The following TIGAR variants were observed in gnomAD, a reference collection of about 807,000 sequenced individuals.
TIGAR encodes the protein fructose-2,6-bisphosphatase TIGAR.
Under a neutral mutation model 17.9 loss-of-function variants are expected in TIGAR, and 7 were observed. The ratio of observed to expected loss-of-function variants is 0.39; its 90% CI spans 0.22 to 0.73. TIGAR has a LOEUF of 0.73. Among genes scored for constraint, TIGAR ranks in the 30% least tolerant of loss-of-function variants. TIGAR has a pLI of 0.42. For synonymous variants in TIGAR, 94 were observed against 108.6 expected (o/e 0.87, Z 0.84); for missense variants, 258 against 327.4 (o/e 0.79, Z 1.64).
At chr12:4,332,712 G>A (rs1441079453) in intron 2 of TIGAR, among the ~76,000 whole-genome samples, 1 of 152,126 alleles carries the variant, frequency 6.6e-6, no homozygotes, top group Non-Finnish European at 1.5e-5. Flanking sequence ...ATACTTCTTT[G>A]AAATGTGTTA....
Position 4,357,251 on chromosome 12 carries a change from G to A in TIGAR, c.*4560G>A, listed in dbSNP as rs906041228. Among the ~76,000 whole-genome samples the A allele has an allele frequency of 1.3e-5, 2 of 152,234 alleles. No homozygotes were observed. The highest frequency in any genetic ancestry group is 6.5e-5 in the Admixed American group (1 of 15,290). ...TTTACAAGTAGATGAATTCGTGTAA[G>A]TTAAATGGTTCTATTATATGTCTTC... On this transcript the variant is annotated 3_prime_UTR_variant, in exon 6 of 6. Coordinates refer to ENST00000179259, the MANE Select transcript of TIGAR (RefSeq NM_020375.3).
chr12:4,359,892 C>T lies in TIGAR; in HGVS notation c.*7201C>T, dbSNP rs1864956152. Among the ~76,000 whole-genome samples, 1 of 152,028 alleles carries T rather than the reference C, an allele frequency of 6.6e-6. No individual in the cohort carries two copies. Among genetic ancestry groups the T allele is most frequent in the Non-Finnish European group, 1.5e-5 (1 of 68,010 alleles). On this transcript the variant is annotated 3_prime_UTR_variant, in exon 6 of 6. Coordinates refer to ENST00000179259, the MANE Select transcript of TIGAR (RefSeq NM_020375.3). ...TATTATCAGTTTCTAAAATTTTAGC[C>T]ATTCTGATTGTTGTATGGTAGTATA... is the stretch of plus-strand genomic sequence containing the variant.
chr12:4,358,854 C>T lies in TIGAR; in HGVS notation c.*6163C>T, dbSNP rs1864943151. On this transcript the variant is annotated 3_prime_UTR_variant, in exon 6 of 6. Coordinates refer to ENST00000179259, the MANE Select transcript of TIGAR (RefSeq NM_020375.3). ...TTCCTTTGCCCTTCTTTTTTTCTCC[C>T]ACCATCTATCTAACCAGATGAACTT... Among the ~76,000 whole-genome samples the T allele has an allele frequency of 6.6e-6, 1 of 151,954 alleles. No homozygotes were observed. Among genetic ancestry groups the T allele is most frequent in the African/African-American group, 2.4e-5 (1 of 41,384 alleles).
intron 1 of TIGAR, among the ~76,000 whole-genome samples, chr12:4,322,615 A>G (rs1322137559): frequency 6.6e-6 from 1 of 152,222 alleles, no homozygotes; most frequent in Non-Finnish European, 1.5e-5. Context: ...ATAACATACC[A>G]TTTCTGCATT....
chr12:4,349,127 G>T (rs1413840698), intron 3 of TIGAR, among the ~76,000 whole-genome samples: 3 of 148,362 alleles, frequency 2.0e-5, no homozygotes, highest in African/African-American at 7.6e-5. Flanking sequence ...TTTCTGTAAA[G>T]AGCCAGATAG....
intron 2 of TIGAR, among the ~76,000 whole-genome samples, chr12:4,332,723 A>C (rs559897621): frequency 6.6e-6 from 1 of 152,312 alleles, no homozygotes; most frequent in Admixed American, 6.5e-5. Flanking sequence ...AAATGTGTTA[A>C]TTATGGTCAG....
chr12:4,352,655 A>T lies in TIGAR; in HGVS notation c.777A>T (p.Leu259=). 6.2e-7 allele frequency: 1 copy of T among 1,603,862 alleles called. No homozygotes were observed. The highest frequency in any genetic ancestry group is 1.3e-5 in the African/African-American group (1 of 75,060). Residue 259 remains leucine, a synonymous_variant, in exon 6 of 6, where the codon CTA becomes CTT. Transcript: ENST00000179259. ...CGGTTCAGTGTATTTGTATGAACCTACAGGATCATCTAAATGGACTGACTG... is the reference window on the plus strand; with the variant it reads ...CGGTTCAGTGTATTTGTATGAACCTTCAGGATCATCTAAATGGACTGACTG... The part of the protein sequence containing the change: ...KPTVQCICMN[L]QDHLNGLTET...
At chr12:4,332,089 T>C (rs1272422165) in intron 2 of TIGAR, among the ~76,000 whole-genome samples, 2 of 152,122 alleles carry the variant, frequency 1.3e-5, no homozygotes, top group Non-Finnish European at 2.9e-5. Flanking sequence ...CCACCTGGCC[T>C]TTGGTATTGC....
chr12:4,357,230 C>G lies in TIGAR; in HGVS notation c.*4539C>G, dbSNP rs1864914265. On this transcript the variant is annotated 3_prime_UTR_variant, in exon 6 of 6. Coordinates refer to ENST00000179259, the MANE Select transcript of TIGAR (RefSeq NM_020375.3). Reference sequence around the variant, plus strand: ...TATACTTGCATGCATATTACATTTACAAGTAGATGAATTCGTGTAAGTTAA... The same window carrying G: ...TATACTTGCATGCATATTACATTTAGAAGTAGATGAATTCGTGTAAGTTAA... Among the ~76,000 whole-genome samples, 4 of 152,292 alleles carry G rather than the reference C, an allele frequency of 2.6e-5. No individual in the cohort carries two copies. Among genetic ancestry groups the G allele is most frequent in the Admixed American group, 2.6e-4 (4 of 15,298 alleles).
At chr12:4,338,673 AAAG>A (rs1257844111) in intron 3 of TIGAR, among the ~76,000 whole-genome samples, 1 of 152,176 alleles carries the variant, frequency 6.6e-6, no homozygotes, top group Non-Finnish European at 1.5e-5. Context: ...TACATCAAAA[AAAG>A]AAGAAAAACT....
rs1471197284 is a variant in TIGAR, at chr12:4,321,350, T to C, written c.32+47T>C. On this transcript the variant is annotated intron_variant, in intron 1 of 5. Coordinates refer to ENST00000179259, the MANE Select transcript of TIGAR (RefSeq NM_020375.3). The surrounding 1 kb of genome is among the most constrained non-coding windows in gnomAD (Gnocchi z 5.2). ...TGTCTTTCTCTCTCTCTTCCTTGAG[T>C]GTGTTGGAGCGGGTGAAGGGAAAAC... 2 of 1,598,624 alleles carry C rather than the reference T, an allele frequency of 1.3e-6. No homozygotes were observed. The highest frequency in any genetic ancestry group is 8.5e-7 in the Non-Finnish European group (1 of 1,179,022).
At chr12:4,333,260 A>C (rs1188440128) in intron 2 of TIGAR, among the ~76,000 whole-genome samples, 1 of 151,110 alleles carries the variant, frequency 6.6e-6, no homozygotes, top group Non-Finnish European at 1.5e-5. Flanking sequence ...TATGTAGCTA[A>C]ATTTTGGCTC....
intron 4 of TIGAR, among the ~76,000 whole-genome samples, chr12:4,350,709 G>A (rs1024890048): frequency 4.0e-5 from 6 of 151,778 alleles, no homozygotes; most frequent in African/African-American, 1.5e-4. Context: ...CCCAGGAGGC[G>A]GAGGTTGCAG....
At chr12:4,349,933 A>C in intron 4 of TIGAR, 37 bp downstream of exon 4, 1 of 1,410,858 alleles carries the variant, frequency 7.1e-7, no homozygotes, top group Non-Finnish European at 9.6e-7. Flanking sequence ...TTCCCCATAA[A>C]TTATCAGTAA....
rs144174948 is a variant in TIGAR, at chr12:4,356,494, C to G, written c.*3803C>G. 4.1e-3 allele frequency among the ~76,000 whole-genome samples: 630 copies of G among 152,256 alleles called. 3 individuals carry two copies. Among genetic ancestry groups the G allele is most frequent in the African/African-American group, 0.014 (566 of 41,556 alleles). On this transcript the variant is annotated 3_prime_UTR_variant, in exon 6 of 6. Coordinates refer to ENST00000179259, the MANE Select transcript of TIGAR (RefSeq NM_020375.3). Reference sequence around the variant, plus strand: ...GAGATTTCCCATCTATCCCCTGCCCCTACACACGCATTGCTTCTCCTACTA... The same window carrying G: ...GAGATTTCCCATCTATCCCCTGCCCGTACACACGCATTGCTTCTCCTACTA...
intron 1 of TIGAR, chr12:4,324,733 CG>C: frequency 3.3e-6 from 2 of 600,840 alleles, no homozygotes; most frequent in Non-Finnish European, 2.8e-6. Context: ...GGACACGTCC[CG>C]TCCCGCAGCT....
At position 4,359,050 on chromosome 12, in the gene TIGAR, G is replaced by C. The variant is rs1028874284; in HGVS notation, c.*6359G>C. On this transcript the variant is annotated 3_prime_UTR_variant, in exon 6 of 6. Coordinates refer to ENST00000179259, the MANE Select transcript of TIGAR (RefSeq NM_020375.3). Reference sequence around the variant, plus strand: ...ACAGGACGTTGTATCAATATGTCTGGTTCCTCATTAAATTTGCAACTACTC... The same window carrying C: ...ACAGGACGTTGTATCAATATGTCTGCTTCCTCATTAAATTTGCAACTACTC... Among the ~76,000 whole-genome samples, 3 of 151,250 alleles carry C rather than the reference G, an allele frequency of 2.0e-5. No homozygotes were observed. Among genetic ancestry groups the C allele is most frequent in the Non-Finnish European group, 2.9e-5 (2 of 67,888 alleles).
At chr12:4,325,207 GT>G (rs1864531167) in intron 1 of TIGAR, among the ~76,000 whole-genome samples, 1 of 151,998 alleles carries the variant, frequency 6.6e-6, no homozygotes, top group Non-Finnish European at 1.5e-5. Context: ...CTCCCAAAGT[GT>G]TGGGATTACA....
chr12:4,352,777 T>G lies in TIGAR; in HGVS notation c.*86T>G. 1 of 1,385,322 alleles carries G rather than the reference T, an allele frequency of 7.2e-7. No homozygotes were observed. The highest frequency in any genetic ancestry group is 1.5e-5 in the South Asian group (1 of 68,632). 85.8% of individuals were successfully genotyped at this position (1,385,322 alleles called of 1,614,324 possible). A position where few individuals can be genotyped will look rare whatever the true frequency, so the allele number is the denominator to read the frequency against. On this transcript the variant is annotated 3_prime_UTR_variant, in exon 6 of 6. Transcript: ENST00000179259. Reference sequence around the variant, plus strand: ...ATTTACTTCTCTCCTCTGCTAGTTCTGATTTGGAAACAGTTAAAAGCCAAT... The same window carrying G: ...ATTTACTTCTCTCCTCTGCTAGTTCGGATTTGGAAACAGTTAAAAGCCAAT...
Sources: allele counts gnomAD v4.1 joint callset (sites outside exome capture counted in the v4.1 genomes callset), GRCh38; gene constraint gnomAD v4.1.1; non-coding constraint Gnocchi (gnomAD v3.1); transcripts MANE v1.5; gene names NCBI Gene and HGNC (gene_info 2026-07-23, HGNC 2026-07-21).